ZMYM4: variants seen among roughly 807,000 people sequenced by gnomAD.
ZMYM4 encodes the protein zinc finger MYM-type containing 4.
A neutral mutation model predicts 183.2 loss-of-function variants in ZMYM4; 31 were observed. The ratio of observed to expected loss-of-function variants is 0.17; its 90% CI spans 0.13 to 0.23. ZMYM4 has a LOEUF of 0.23. ZMYM4 is among the 10% of genes least tolerant of loss of function. The pLI, the probability that ZMYM4 is intolerant of heterozygous loss-of-function variation, is 1.00. For synonymous variants in ZMYM4, 592 were observed against 631.2 expected, an observed-to-expected ratio of 0.94 and a Z score of 0.93; for missense variants, 1,273 against 1,840.3, an observed-to-expected ratio of 0.69 and a Z score of 5.64.
At chr1:35,372,710 A>G (rs1358772454) in intron 7 of ZMYM4, among the ~76,000 whole-genome samples, 4 of 149,942 alleles carry the variant, frequency 2.7e-5, no homozygotes, top group African/African-American at 9.7e-5. Context: ...TTTGCATTAT[A>G]TCTACTAACT....
chr1:35,398,490 G>T (rs1644847705), intron 21 of ZMYM4, 24 bp downstream of exon 21: 2 of 1,596,402 alleles, frequency 1.3e-6, no homozygotes, highest in South Asian at 2.2e-5. Context: ...AATATGTTTT[G>T]ATTTTTAGAA....
chr1:35,366,483 A>C (rs1403851915), intron 5 of ZMYM4, among the ~76,000 whole-genome samples: 1 of 152,226 alleles, frequency 6.6e-6, no homozygotes, highest in African/African-American at 2.4e-5. Flanking sequence ...TAAAATTATC[A>C]CTTGCTATTA....
rs540002007 is a variant in ZMYM4 at position 35,302,883 on chromosome 1, C to T, written c.40-22477C>T. ...AGCCTGATGTGGTGGCTCATGCCTGCAATCTCAGCTACTCTGGAGGCTGGA... is the reference window on the plus strand; with the variant it reads ...AGCCTGATGTGGTGGCTCATGCCTGTAATCTCAGCTACTCTGGAGGCTGGA... On this transcript the variant is annotated intron_variant, in intron 1 of 29. Transcript: ENST00000314607. Among the ~76,000 whole-genome samples, 13 of 151,560 alleles carry T rather than the reference C, an allele frequency of 8.6e-5. 2 individuals carry two copies. Among genetic ancestry groups the T allele is most frequent in the African/African-American group, 2.7e-4 (11 of 41,300 alleles).
chr1:35,314,102 T>C (rs370061575), intron 1 of ZMYM4, among the ~76,000 whole-genome samples: 2 of 152,214 alleles, frequency 1.3e-5, no homozygotes, highest in African/African-American at 2.4e-5. Context: ...TTTTATAATT[T>C]ACATCATGTT....
chr1:35,364,255 A>G (rs1324610988), intron 5 of ZMYM4, among the ~76,000 whole-genome samples: 1 of 152,230 alleles, frequency 6.6e-6, no homozygotes, highest in African/African-American at 2.4e-5. Context: ...GGTCCTGGGC[A>G]TAAGATCCAA....
At chr1:35,333,413 AC>A (rs1642841300) in intron 2 of ZMYM4, among the ~76,000 whole-genome samples, 1 of 151,576 alleles carries the variant, frequency 6.6e-6, no homozygotes, top group Non-Finnish European at 1.5e-5. Flanking sequence ...GCGCCACCAC[AC>A]CCGGCTAATT....
chr1:35,280,360 A>C (rs1268297841), intron 1 of ZMYM4, among the ~76,000 whole-genome samples: 1 of 151,692 alleles, frequency 6.6e-6, no homozygotes, highest in Non-Finnish European at 1.5e-5. Context: ...CTGATCTCGA[A>C]CTCATGAGCT....
chr1:35,408,678 A>T (rs1639738322), intron 26 of ZMYM4, among the ~76,000 whole-genome samples: 1 of 152,222 alleles, frequency 6.6e-6, no homozygotes, highest in African/African-American at 2.4e-5. Context: ...TTAAGGCTGC[A>T]GTAAGCCATT....
chr1:35,366,815 A>G (rs989568119), intron 5 of ZMYM4, among the ~76,000 whole-genome samples: 3 of 152,200 alleles, frequency 2.0e-5, no homozygotes, highest in African/African-American at 4.8e-5. Context: ...GGAGTTCAAG[A>G]CCAGCCTGGC....
At position 35,421,580 on chromosome 1, in the gene ZMYM4, A is replaced by G. The variant is rs1445552549; in HGVS notation, c.*1903A>G. 6.6e-6 allele frequency: 1 copy of G among 152,262 alleles called. No homozygotes were observed. Among genetic ancestry groups the G allele is most frequent in the African/African-American group, 2.4e-5 (1 of 41,454 alleles). The allele number at this position is 152,262 out of a possible 1,614,324, so 9.4% of individuals were successfully genotyped here. On this transcript the variant is annotated 3_prime_UTR_variant, in exon 30 of 30. Transcript: ENST00000314607. Reference sequence around the variant, plus strand: ...ATAAATTGTTATGAAATACCAGAAAAAAAAATCTGTATCTTTTACTGAGAA... The same window carrying G: ...ATAAATTGTTATGAAATACCAGAAAGAAAAATCTGTATCTTTTACTGAGAA...
chr1:35,410,768 G>T (rs1248566142), intron 26 of ZMYM4, among the ~76,000 whole-genome samples: 3 of 151,954 alleles, frequency 2.0e-5, no homozygotes, highest in Non-Finnish European at 1.5e-5. Flanking sequence ...GGCTTTACTG[G>T]CATGAGCCAC....
rs564876848 is a variant in ZMYM4, at chr1:35,367,654, A to G, written c.841-2375A>G. Among the ~76,000 whole-genome samples, 34 of 152,324 alleles carry G rather than the reference A, an allele frequency of 2.2e-4. No homozygotes were observed. In the South Asian group the frequency reaches 6.0e-3, roughly 27 times the overall value. On this transcript the variant is annotated intron_variant, in intron 5 of 29. Coordinates refer to ENST00000314607, the MANE Select transcript of ZMYM4 (RefSeq NM_005095.3). The stretch of plus-strand genomic sequence containing the variant: ...TTTTAAGAATTTGATATATTTATCA[A>G]TGGCAAATGAAAGGAATTCACTATT...
chr1:35,339,303 T>C (rs1022042903), intron 2 of ZMYM4, among the ~76,000 whole-genome samples: 1 of 152,166 alleles, frequency 6.6e-6, no homozygotes, highest in African/African-American at 2.4e-5. Flanking sequence ...GGCGCGATCT[T>C]TGCTCACTGC....
At chr1:35,286,581 CCT>C (rs1015471142) in intron 1 of ZMYM4, among the ~76,000 whole-genome samples, 86 of 150,012 alleles carry the variant, frequency 5.7e-4, no homozygotes, top group Non-Finnish European at 1.2e-3. Context: ...AGCCTGCCTG[CCT>C]CTGTCTGCCT....
chr1:35,345,199 T>G (rs1643347540), intron 2 of ZMYM4, among the ~76,000 whole-genome samples: 1 of 152,222 alleles, frequency 6.6e-6, no homozygotes, highest in Non-Finnish European at 1.5e-5. Context: ...CAAGTGTAAT[T>G]TAATTAGAAT....
chr1:35,286,347 C>T (rs1267815185), intron 1 of ZMYM4, among the ~76,000 whole-genome samples: 3 of 152,018 alleles, frequency 2.0e-5, no homozygotes, highest in Non-Finnish European at 2.9e-5. Context: ...TTTGACTTAA[C>T]TCCAATAGTC....
intron 5 of ZMYM4, among the ~76,000 whole-genome samples, chr1:35,364,285 C>T (rs183824541): frequency 2.0e-5 from 3 of 152,154 alleles, no homozygotes; most frequent in African/African-American, 7.2e-5. Flanking sequence ...TTACCCTGAC[C>T]CCACAATAAG....
intron 1 of ZMYM4, among the ~76,000 whole-genome samples, chr1:35,324,806 C>T (rs3814303): frequency 0.064 from 9,734 of 152,112 alleles, 934 homozygotes; most frequent in East Asian, 0.45. Context: ...GTGGAGTTAC[C>T]GGTGCTTTGC....
chr1:35,373,100 A>T (rs2148941921), intron 7 of ZMYM4, among the ~76,000 whole-genome samples: 1 of 152,238 alleles, frequency 6.6e-6, no homozygotes, highest in South Asian at 2.1e-4. Flanking sequence ...TAGAGGTTGC[A>T]GTGAGCCAAG....
Sources: allele counts gnomAD v4.1 joint callset (sites outside exome capture counted in the v4.1 genomes callset), GRCh38; gene constraint gnomAD v4.1.1; transcripts MANE v1.5; gene names NCBI Gene and HGNC (gene_info 2026-07-23, HGNC 2026-07-21).